Variants in PLD6 observed in about 807,000 individuals in gnomAD.
The protein encoded by PLD6 is phospholipase D family member 6.
Under a neutral mutation model 9.7 loss-of-function variants are expected in PLD6, and 10 were observed. That is an observed-to-expected ratio of 1.03 (90% CI 0.64 to 1.75). The LOEUF (loss-of-function observed/expected upper bound fraction) is 1.75, where lower values mean the gene tolerates loss of function less well. PLD6 is among the 40% of genes most tolerant of loss of function. The probability of loss-of-function intolerance (pLI) is 0.00; values close to 1 mark genes in which losing one functional copy is unlikely to be tolerated. For missense variants in PLD6, 334 were observed against 347.6 expected, an observed-to-expected ratio of 0.96 and a Z score of 0.31; for synonymous variants, 152 against 159.2, an observed-to-expected ratio of 0.96 and a Z score of 0.34.
At position 17,202,441 on chromosome 17, in the gene PLD6, A is replaced by G; in HGVS notation, c.*326T>C. The G allele has an allele frequency of 3.6e-6, 1 of 277,754 alleles. No individual in the cohort carries two copies. The highest frequency in any genetic ancestry group is 6.9e-6 in the Non-Finnish European group (1 of 145,242). The allele number at this position is 277,754 out of a possible 1,614,324, so 17.2% of individuals were successfully genotyped here. ...AGGAGGGACTTTTCTAGAATCAGGG[A>G]AGGGAATGGGATCGACCTGGAAGAG... On this transcript the variant is annotated 3_prime_UTR_variant, in exon 2 of 2. Coordinates refer to ENST00000321560, the MANE Select transcript of PLD6 (RefSeq NM_178836.4).
At chr17:17,205,660 T>A (rs2056452340) in intron 1 of PLD6, among the ~76,000 whole-genome samples, 200 bp downstream of exon 1, 2 of 152,330 alleles carry the variant, frequency 1.3e-5, no homozygotes, top group Non-Finnish European at 2.9e-5. Context: ...TCCGGCTCGC[T>A]TATGCCCACG....
Position 17,206,072 on chromosome 17 carries a change from C to A in PLD6, c.215G>T (p.Gly72Val), listed in dbSNP as rs980024296. The change falls in exon 1 of 2, where the codon GGC becomes GTC. Residue 72 changes from glycine to valine, a missense_variant. By Grantham distance (109) the Gly-to-Val change is moderately radical (BLOSUM62 -3). Coordinates refer to ENST00000321560, the MANE Select transcript of PLD6 (RefSeq NM_178836.4). ...LAELPEGCPC[G>V]LPHGESALSR... Reference sequence around the variant, plus strand: ...TAGCGCGCTCTCGCCGTGGGGCAGGCCGCACGGGCAGCCCTCGGGGAGCTC... The same window carrying A: ...TAGCGCGCTCTCGCCGTGGGGCAGGACGCACGGGCAGCCCTCGGGGAGCTC... 5 of 1,510,014 alleles carry A rather than the reference C, an allele frequency of 3.3e-6. No homozygotes were observed. Among genetic ancestry groups the A allele is most frequent in the Middle Eastern group, 1.9e-4 (1 of 5,166 alleles). The allele number at this position is 1,510,014 out of a possible 1,614,324, so 93.5% of individuals were successfully genotyped here. A position where few individuals can be genotyped will look rare whatever the true frequency, so the allele number is the denominator to read the frequency against.
In PLD6 at chr17:17,202,894, G is replaced by A; in HGVS notation, c.632C>T (p.Pro211Leu). ...TGGTGGGAAAAAGGTATACTTTGTAGGGTTAAACTGTTCCCAGATGCGCTC... is the reference window on the plus strand; with the variant it reads ...TGGTGGGAAAAAGGTATACTTTGTAAGGTTAAACTGTTCCCAGATGCGCTC... Reference protein sequence around the residue: ...EFERIWEQFNPTKYTFFPPKK... With the variant: ...EFERIWEQFNLTKYTFFPPKK... The change falls in exon 2 of 2, where the codon CCT becomes CTT. Residue 211 changes from proline to leucine, a missense_variant. By Grantham distance (98) the Pro-to-Leu change is moderately conservative (BLOSUM62 -3). Transcript: ENST00000321560. 1 of 1,614,206 alleles carries A rather than the reference G, an allele frequency of 6.2e-7. No individual in the cohort carries two copies. The highest frequency in any genetic ancestry group is 2.2e-5 in the East Asian group (1 of 44,880).
At chr17:17,203,980 G>A (rs2046695866) in intron 1 of PLD6, among the ~76,000 whole-genome samples, 1 of 152,154 alleles carries the variant, frequency 6.6e-6, no homozygotes, top group African/African-American at 2.4e-5. Context: ...AATTGGGCCT[G>A]GCAGGATGAA....
In PLD6 at chr17:17,205,884, G is replaced by A. The variant is rs1349249744; in HGVS notation, c.403C>T (p.Gln135Ter). Residue 135 changes from glutamine (Q) to a stop codon, truncating the protein, a stop_gained, in exon 1 of 2, where the codon CAA (glutamine) becomes TAA (stop). Coordinates refer to ENST00000321560, the MANE Select transcript of PLD6 (RefSeq NM_178836.4). LOFTEE classifies it low-confidence loss of function (END_TRUNC). ...CCTGCCTTGCGCAGCAGACCGATTT[G>A]CGAGCCGTTGAGGGCCATGTAGTCG... The part of the protein sequence containing the change: ...DCDYMALNGS[Q>*]IGLLRKAGIQ... 6.4e-7 allele frequency: 1 copy of A among 1,573,872 alleles called. No individual in the cohort carries two copies. The highest frequency in any genetic ancestry group is 1.3e-5 in the African/African-American group (1 of 74,364).
At chr17:17,205,545 G>A (rs1194154390) in intron 1 of PLD6, among the ~76,000 whole-genome samples, 1 of 152,206 alleles carries the variant, frequency 6.6e-6, no homozygotes, top group Non-Finnish European at 1.5e-5. Flanking sequence ...GGAGTTGCTA[G>A]GGGAATCTGC....
rs1386666852 is a variant in PLD6 at position 17,205,935 on chromosome 17, C to T, written c.352G>A (p.Val118Met). 2 of 1,564,776 alleles carry T rather than the reference C, an allele frequency of 1.3e-6. No homozygotes were observed. Among genetic ancestry groups the T allele is most frequent in the Non-Finnish European group, 1.7e-6 (2 of 1,155,822 alleles). Residue 118 changes from valine (V) to methionine (M), a missense_variant, in exon 1 of 2, where the codon GTG becomes ATG. Physicochemically the swap from Val to Met is conservative, Grantham distance 21. Transcript: ENST00000321560. Reference sequence around the variant, plus strand: ...CAGTCGGTGACGACCCGCACTCGCACCCCACGCTGGTGCAGCAACTGCACG... The same window carrying T: ...CAGTCGGTGACGACCCGCACTCGCATCCCACGCTGGTGCAGCAACTGCACG... ...RAVQLLHQRG[V>M]RVRVVTDCDY... is the part of the protein sequence containing the mutation.
In PLD6 at chr17:17,206,154, G is replaced by C; in HGVS notation, c.133C>G (p.Pro45Ala). ...RRPRREALFF[P>A]SQVTCTEALL... is the part of the protein sequence containing the mutation. ...GCCTCGGTACAGGTCACCTGAGACG[G>C]GAAGAACAGCGCCTCGCGCCGCGGC... The change falls in exon 1 of 2, where the codon CCG (proline) becomes GCG (alanine). Residue 45 changes from proline to alanine, a missense_variant. Transcript: ENST00000321560. The C allele has an allele frequency of 6.6e-7, 1 of 1,504,606 alleles. No individual in the cohort carries two copies. Among genetic ancestry groups the C allele is most frequent in the Non-Finnish European group, 8.8e-7 (1 of 1,133,888 alleles). 93.2% of individuals were successfully genotyped at this position (1,504,606 alleles called of 1,614,324 possible). A position where few individuals can be genotyped will look rare whatever the true frequency, so the allele number is the denominator to read the frequency against.
rs776866612 is a variant in PLD6 at position 17,206,222 on chromosome 17, G to A, written c.65C>T (p.Ala22Val). Residue 22 changes from alanine to valine, a missense_variant, in exon 1 of 2, where the codon GCG becomes GTG. Physicochemically the swap from Ala to Val is moderately conservative, Grantham distance 64 (BLOSUM62 0). Coordinates refer to ENST00000321560, the MANE Select transcript of PLD6 (RefSeq NM_178836.4). ...AAVGLALTLE[A>V]LPWVLRWLRS... ...CAGCCAGCGCAGCACCCAAGGCAGC[G>A]CCTCCAGAGTCAGAGCCAGGCCCAC... 9 of 1,541,604 alleles carry A rather than the reference G, an allele frequency of 5.8e-6. No homozygotes were observed. The highest frequency in any genetic ancestry group is 4.1e-4 in the Middle Eastern group (2 of 4,938).
chr17:17,203,081 C>G lies in PLD6; in HGVS notation c.445G>C (p.Asp149His), dbSNP rs186327050. 12 of 1,613,478 alleles carry G rather than the reference C, an allele frequency of 7.4e-6. No individual in the cohort carries two copies. In the East Asian group the frequency reaches 2.2e-4, roughly 30 times the overall value. Residue 149 changes from aspartate to histidine, a missense_variant, in exon 2 of 2, where the codon GAT becomes CAT. Transcript: ENST00000321560. Reference protein sequence around the residue: ...LRKAGIQVRHDQDPGYMHHKF... With the variant: ...LRKAGIQVRHHQDPGYMHHKF... ...TGATGCATGTAGCCTGGGTCTTGAT[C>G]GTGCCGGACCTGGATCCCTGCAGAA...
intron 1 of PLD6, 76 bp downstream of exon 1, chr17:17,205,784 C>G: frequency 3.4e-6 from 5 of 1,488,554 alleles, no homozygotes; most frequent in Non-Finnish European, 3.6e-6. Context: ...ACCCCCTCCC[C>G]TAAGTGTCCA....
chr17:17,203,673 C>G (rs1341591948), intron 1 of PLD6, among the ~76,000 whole-genome samples: 1 of 152,204 alleles, frequency 6.6e-6, no homozygotes, highest in Non-Finnish European at 1.5e-5. Context: ...CTGCTCTTCC[C>G]AGCTTTCAAA....
rs2046682544 is a variant in PLD6 at position 17,202,445 on chromosome 17, G to A, written c.*322C>T. 1 of 298,322 alleles carries A rather than the reference G, an allele frequency of 3.4e-6. No homozygotes were observed. Among genetic ancestry groups the A allele is most frequent in the East Asian group, 7.3e-5 (1 of 13,728 alleles). The allele number at this position is 298,322 out of a possible 1,614,324, so 18.5% of individuals were successfully genotyped here. A position where few individuals can be genotyped will look rare whatever the true frequency, so the allele number is the denominator to read the frequency against. ...GGGACTTTTCTAGAATCAGGGAAGG[G>A]AATGGGATCGACCTGGAAGAGGCAC... is the stretch of plus-strand genomic sequence containing the variant. On this transcript the variant is annotated 3_prime_UTR_variant, in exon 2 of 2. Coordinates refer to ENST00000321560, the MANE Select transcript of PLD6 (RefSeq NM_178836.4).
In PLD6 at chr17:17,201,942, T is replaced by C. The variant is rs2102645; in HGVS notation, c.*825A>G. The C allele has an allele frequency of 1, 151,652 of 152,284 alleles. 75,520 individuals are homozygous for C. Among genetic ancestry groups the C allele is most frequent in the Middle Eastern group, 1 (292 of 292 alleles). The allele number at this position is 152,284 out of a possible 1,614,324, so 9.4% of individuals were successfully genotyped here. ...CAGAGGATGCAGTGAGCCGAGGTTG[T>C]GCCACTGCACTCCAGCCTGGGCCAC... On this transcript the variant is annotated 3_prime_UTR_variant, in exon 2 of 2. Coordinates refer to ENST00000321560, the MANE Select transcript of PLD6 (RefSeq NM_178836.4).
rs2046689641 is a variant in PLD6 at position 17,203,182 on chromosome 17, A to G, written c.428-84T>C. 6 of 1,381,172 alleles carry G rather than the reference A, an allele frequency of 4.3e-6. No individual in the cohort carries two copies. In the East Asian group the frequency reaches 7.4e-5, roughly 17 times the overall value. 85.6% of individuals were successfully genotyped at this position (1,381,172 alleles called of 1,614,324 possible). On this transcript the variant is annotated intron_variant, in intron 1 of 1. Transcript: ENST00000321560. ...GTTCCTGGGGGCTACTGGCTTTACT[A>G]TATGTTTCCAGTTTGGTGGGCCAGG...
chr17:17,202,584 G>GA lies in PLD6; in HGVS notation c.*182dup. 1 of 650,210 alleles carries GA rather than the reference G, an allele frequency of 1.5e-6. No individual in the cohort carries two copies. Among genetic ancestry groups the GA allele is most frequent in the East Asian group, 2.8e-5 (1 of 36,262 alleles). The allele number at this position is 650,210 out of a possible 1,614,324, so 40.3% of individuals were successfully genotyped here. A position where few individuals can be genotyped will look rare whatever the true frequency, so the allele number is the denominator to read the frequency against. ...TGAAGTTATTTTGGCAAAGGAGCAA[G>GA]AAAAAGGTCTGGCCCGAAATAACTG... On this transcript the variant is annotated 3_prime_UTR_variant, in exon 2 of 2. Transcript: ENST00000321560.
In PLD6 at chr17:17,202,949, C is replaced by G; in HGVS notation, c.577G>C (p.Glu193Gln). 5.0e-6 allele frequency: 8 copies of G among 1,614,192 alleles called. No homozygotes were observed. Among genetic ancestry groups the G allele is most frequent in the Non-Finnish European group, 6.8e-6 (8 of 1,180,040 alleles). ...RENVLITEDD[E>Q]YVRLFLEEFE... The stretch of plus-strand genomic sequence containing the variant: ...TCTTCCAGAAAAAGCCGCACGTACT[C>G]GTCGTCCTCCGTGATGAGAACATTC... The change falls in exon 2 of 2, where the codon GAG (glutamate) becomes CAG (glutamine). Residue 193 changes from glutamate (E) to glutamine (Q), a missense_variant. Coordinates refer to ENST00000321560, the MANE Select transcript of PLD6 (RefSeq NM_178836.4).
Position 17,202,301 on chromosome 17 carries a change from G to C in PLD6, c.*466C>G, listed in dbSNP as rs9908205. ...TTACTCTGAGGACCGAGCCCTGACA[G>C]GGGCAGACTGTGAGGGACAAGGAGA... On this transcript the variant is annotated 3_prime_UTR_variant, in exon 2 of 2. Coordinates refer to ENST00000321560, the MANE Select transcript of PLD6 (RefSeq NM_178836.4). 0.48 allele frequency: 77,197 copies of C among 161,436 alleles called. 22,271 individuals carry two copies. The highest frequency in any genetic ancestry group is 0.71 in the East Asian group (4,122 of 5,772). The allele number at this position is 161,436 out of a possible 1,614,324, so 10.0% of individuals were successfully genotyped here.
intron 1 of PLD6, among the ~76,000 whole-genome samples, chr17:17,205,315 A>T (rs60040178): frequency 0.042 from 6,331 of 152,138 alleles, 469 homozygotes; most frequent in African/African-American, 0.15. Flanking sequence ...TTTCTAGAAC[A>T]TGTTCAGGTC....
Sources: gnomAD v4.1 joint callset for allele counts (sites outside exome capture counted in the v4.1 genomes callset) on GRCh38, gnomAD v4.1.1 for gene constraint, MANE v1.5 for transcripts, NCBI Gene and HGNC (gene_info 2026-07-23, HGNC 2026-07-21) for gene names.